The following LGR6 variants were observed in gnomAD, a reference collection of about 807,000 sequenced individuals.
LGR6 encodes leucine rich repeat containing G protein-coupled receptor 6, also known as leucine-rich repeat-containing G protein-coupled receptor 6.
A neutral mutation model predicts 69.4 loss-of-function variants in LGR6; 45 were observed. That is an observed-to-expected ratio of 0.65 (90% CI 0.51 to 0.83). The LOEUF (loss-of-function observed/expected upper bound fraction) is 0.83, where lower values mean the gene tolerates loss of function less well. Ranked by LOEUF, LGR6 falls within the 40% of genes least tolerant of loss-of-function variation. The pLI is 0.00. For synonymous variants in LGR6, 538 were observed against 555.0 expected (o/e 0.97, Z 0.43); for missense variants, 1,108 against 1,246.7 (o/e 0.89, Z 1.68).
intron 1 of LGR6, among the ~76,000 whole-genome samples, chr1:202,219,731 A>G (rs1660021225): frequency 6.6e-6 from 1 of 152,226 alleles, no homozygotes; most frequent in African/African-American, 2.4e-5. Context: ...ACTGGAGGAT[A>G]CACAGATGAC....
At chr1:202,272,853 C>T (rs906397201) in intron 4 of LGR6, among the ~76,000 whole-genome samples, 6 of 152,238 alleles carry the variant, frequency 3.9e-5, no homozygotes, top group Non-Finnish European at 8.8e-5. Context: ...TCCCCTTGCC[C>T]TGCCCTGACC....
At chr1:202,238,075 TTTTTG>T (rs944948376) in intron 4 of LGR6, among the ~76,000 whole-genome samples, 7 of 151,966 alleles carry the variant, frequency 4.6e-5, no homozygotes, top group East Asian at 1.9e-4. Flanking sequence ...CTCCGCCGTT[TTTTTG>T]TTTTGTTTTG....
chr1:202,210,168 G>A (rs1354876783), intron 1 of LGR6, among the ~76,000 whole-genome samples: 3 of 152,206 alleles, frequency 2.0e-5, no homozygotes, highest in South Asian at 4.1e-4. Context: ...TCTGGGGGAG[G>A]CCTCCCCTCT....
chr1:202,194,826 C>G (rs1658579218), intron 1 of LGR6, among the ~76,000 whole-genome samples: 1 of 152,170 alleles, frequency 6.6e-6, no homozygotes, highest in Non-Finnish European at 1.5e-5. Context: ...CAGGGGCCTC[C>G]CTAAAGTCAT....
In LGR6 at chr1:202,304,559, G is replaced by T. The variant is rs139934842; in HGVS notation, c.999G>T (p.Leu333=). ...DLKGTTSLEI[L]TLTRAGIRLL... is the part of the protein sequence containing the mutation. ...AGCTCTGTCTCTGTTCTCCCTGCAG[G>T]ACCCTGACCCGCGCAGGCATCCGGC... The change falls in exon 11 of 18, where the codon CTG becomes CTT. Residue 333 remains leucine, a splice_region_variant and synonymous_variant. Transcript: ENST00000367278. 1 of 1,601,652 alleles carries T rather than the reference G, an allele frequency of 6.2e-7. No individual in the cohort carries two copies. The highest frequency in any genetic ancestry group is 2.2e-5 in the East Asian group (1 of 44,738).
In LGR6 at chr1:202,310,215, T is replaced by TGCC; in HGVS notation, c.1426_1428dup (p.Ala476dup). Reference sequence around the variant, plus strand: ...CCACCAGGATCCTGGAGGTGCCTTATGCCTACCAGTGCTGTCCCTATGGGA... The same window carrying TGCC: ...CCACCAGGATCCTGGAGGTGCCTTATGCCGCCTACCAGTGCTGTCCCTATGGGA... On this transcript the variant is annotated inframe_insertion, in exon 16 of 18. Coordinates refer to ENST00000367278, the MANE Select transcript of LGR6 (RefSeq NM_001017403.2). 1 of 1,614,046 alleles carries TGCC rather than the reference T, an allele frequency of 6.2e-7. No individual in the cohort carries two copies. Among genetic ancestry groups the TGCC allele is most frequent in the African/African-American group, 1.3e-5 (1 of 75,016 alleles).
At chr1:202,235,015 C>T (rs558678679) in intron 3 of LGR6, among the ~76,000 whole-genome samples, 103 of 152,272 alleles carry the variant, frequency 6.8e-4, no homozygotes, top group African/African-American at 2.4e-3. Context: ...GGTTTTCCTC[C>T]TATGTCTTTA....
chr1:202,227,375 G>A (rs972487175), intron 2 of LGR6, among the ~76,000 whole-genome samples: 1 of 152,152 alleles, frequency 6.6e-6, no homozygotes, highest in African/African-American at 2.4e-5. Context: ...ATTGGTGATT[G>A]CCCCGATAAA....
chr1:202,224,362 T>G (rs1390206859), intron 1 of LGR6, among the ~76,000 whole-genome samples: 1 of 152,060 alleles, frequency 6.6e-6, no homozygotes, highest in Non-Finnish European at 1.5e-5. Flanking sequence ...TCAGATAATA[T>G]GAGCTTAAGA....
Position 202,310,320 on chromosome 1 carries a change from GC to G in LGR6, c.1534del (p.Leu512TrpfsTer73), listed in dbSNP as rs771196485. 9.3e-6 allele frequency: 15 copies of G among 1,613,970 alleles called. No homozygotes were observed. The highest frequency in any genetic ancestry group is 1.3e-5 in the Non-Finnish European group (15 of 1,180,012). ...HLDDEESSKR[P>X]LGLLARQAEN... is the part of the protein sequence containing the mutation. ...TTGATGATGAGGAGTCTTCAAAAAGGCCCCTGGGCCTCCTTGCCAGACAAGC... is the reference window on the plus strand; with the variant it reads ...TTGATGATGAGGAGTCTTCAAAAAGGCCCTGGGCCTCCTTGCCAGACAAGC... On this transcript the variant is annotated frameshift_variant, in exon 16 of 18. Coordinates refer to ENST00000367278, the MANE Select transcript of LGR6 (RefSeq NM_001017403.2). LOFTEE classifies it high-confidence loss of function.
chr1:202,248,696 C>A (rs536255804), intron 4 of LGR6, among the ~76,000 whole-genome samples: 2 of 152,322 alleles, frequency 1.3e-5, no homozygotes, highest in South Asian at 4.1e-4. Context: ...AGGGCCCTGG[C>A]AGCCCACAGA....
rs145765655 is a variant in LGR6, at chr1:202,318,690, C to G, written c.2387C>G (p.Ser796Cys). The change falls in exon 18 of 18, where the codon TCC (serine) becomes TGC (cysteine). Residue 796 changes from serine (S) to cysteine (C), a missense_variant. By Grantham distance (112) the Ser-to-Cys change is moderately radical. Coordinates refer to ENST00000367278, the MANE Select transcript of LGR6 (RefSeq NM_001017403.2). ...CCCGTGGCCTTCCTCAGCTTTGCCT[C>G]CATGCTGGGCCTCTTCCCTGTCACG... ...YCPVAFLSFASMLGLFPVTPE... is the reference protein window; with the variant it reads ...YCPVAFLSFACMLGLFPVTPE... 2.0e-4 allele frequency: 323 copies of G among 1,613,624 alleles called. No homozygotes were observed. Among genetic ancestry groups the G allele is most frequent in the Non-Finnish European group, 2.4e-4 (282 of 1,180,016 alleles).
chr1:202,267,522 G>A, intron 4 of LGR6, among the ~76,000 whole-genome samples: 1 of 152,130 alleles, frequency 6.6e-6, no homozygotes, highest in Admixed American at 6.5e-5. Context: ...ATAAGGAGAA[G>A]CCTTATCAAT....
intron 4 of LGR6, among the ~76,000 whole-genome samples, chr1:202,256,874 C>T (rs1663817079): frequency 6.6e-6 from 1 of 152,180 alleles, no homozygotes; most frequent in Non-Finnish European, 1.5e-5. Flanking sequence ...TCCTTGCCAA[C>T]ACTTGTTATG....
chr1:202,228,203 A>T (rs988348952), intron 3 of LGR6, among the ~76,000 whole-genome samples, 196 bp downstream of exon 3: 1 of 152,232 alleles, frequency 6.6e-6, no homozygotes, highest in Admixed American at 6.5e-5. Context: ...GTAAATAAAC[A>T]TTTAATTGTA....
chr1:202,214,241 GGCTTGGGGGAAGGGTGCCGA>G lies in LGR6; in HGVS notation c.213-11178_213-11159del, dbSNP rs1659604053. ...GTGCACGGCGCGGTGCGCCCAGGTA[GGCTTGGGGGAAGGGTGCCGA>G]GCTCCGGAAAGTTCCACAGGTCCTC... is the stretch of plus-strand genomic sequence containing the variant. On this transcript the variant is annotated intron_variant, in intron 1 of 17. Coordinates refer to ENST00000367278, the MANE Select transcript of LGR6 (RefSeq NM_001017403.2). 5.2e-6 allele frequency: 8 copies of G among 1,541,350 alleles called. No individual in the cohort carries two copies. In the East Asian group the frequency reaches 2.1e-4, roughly 41 times the overall value.
At chr1:202,212,751 A>G (rs904955361) in intron 1 of LGR6, among the ~76,000 whole-genome samples, 4 of 152,332 alleles carry the variant, frequency 2.6e-5, no homozygotes, top group African/African-American at 9.6e-5. Context: ...CGTTTTTTCA[A>G]GTAAGATCAT....
intron 2 of LGR6, among the ~76,000 whole-genome samples, chr1:202,227,077 C>G (rs2147958774): frequency 6.6e-6 from 1 of 152,284 alleles, no homozygotes; most frequent in South Asian, 2.1e-4. Context: ...CCTACAGAAC[C>G]CAAGCTAGGA....
intron 4 of LGR6, among the ~76,000 whole-genome samples, chr1:202,260,480 T>G (rs1388313855): frequency 6.6e-6 from 1 of 152,132 alleles, no homozygotes; most frequent in Non-Finnish European, 1.5e-5. Flanking sequence ...ACTACAGGCA[T>G]GTGTCTCCAT....
Sources: gnomAD v4.1 joint callset for allele counts (sites outside exome capture counted in the v4.1 genomes callset) on GRCh38, gnomAD v4.1.1 for gene constraint, MANE v1.5 for transcripts, NCBI Gene and HGNC (gene_info 2026-07-23, HGNC 2026-07-21) for gene names.